The following EPHA6 variants were observed in gnomAD, a reference collection of about 807,000 sequenced individuals.
EPHA6 encodes EPH receptor A6, also known as ephrin type-A receptor 6.
A neutral mutation model predicts 112.0 loss-of-function variants in EPHA6; 50 were observed. That is an observed-to-expected ratio of 0.45 (90% CI 0.36 to 0.56). The LOEUF is 0.56. Ranked by LOEUF, EPHA6 falls within the 20% of genes least tolerant of loss-of-function variation. EPHA6 has a pLI of 0.00. For missense variants in EPHA6, 1,280 were observed against 1,417.4 expected, an observed-to-expected ratio of 0.90 and a Z score of 1.56; for synonymous variants, 529 against 490.7, an observed-to-expected ratio of 1.08 and a Z score of -1.03.
rs936060872 is a variant in EPHA6 at position 97,526,137 on chromosome 3, T to C, written c.2201-6221T>C. ...GCTTTCAGACTGCAGTTTAAAAAGG[T>C]GGGGGCCAATTTATAGGGCCATTTA... On this transcript the variant is annotated intron_variant, in intron 10 of 17. Coordinates refer to ENST00000389672, the MANE Select transcript of EPHA6 (RefSeq NM_001080448.3). Among the ~76,000 whole-genome samples the C allele has an allele frequency of 2.0e-5, 3 of 152,052 alleles. No homozygotes were observed. The South Asian group carries it at 6.2e-4, about 32-fold the overall frequency.
At chr3:97,384,518 G>A (rs1410754997) in intron 5 of EPHA6, among the ~76,000 whole-genome samples, 3 of 152,136 alleles carry the variant, frequency 2.0e-5, no homozygotes, top group South Asian at 4.1e-4. Context: ...ATATTTCAAT[G>A]GAGAGGAAAC....
chr3:96,847,659 T>C (rs1341633096), intron 1 of EPHA6, among the ~76,000 whole-genome samples: 3 of 152,140 alleles, frequency 2.0e-5, no homozygotes, highest in Non-Finnish European at 2.9e-5. Context: ...AAGAGAATTA[T>C]ACAAGAAGTT....
chr3:97,615,378 C>T (rs973633280), intron 13 of EPHA6, among the ~76,000 whole-genome samples: 6 of 152,070 alleles, frequency 3.9e-5, no homozygotes, highest in African/African-American at 9.7e-5. Flanking sequence ...CTGGGGTCCC[C>T]GGCAAATGTG....
At chr3:97,481,617 G>T (rs2034939) in intron 9 of EPHA6, 1 of 473,274 alleles carries the variant, frequency 2.1e-6, no homozygotes. Flanking sequence ...CAGCTGTTGC[G>T]CCCTCCCTAG....
At position 97,041,206 on chromosome 3, in the gene EPHA6, C is replaced by T. The variant is rs145158392; in HGVS notation, c.1114+53213C>T. On this transcript the variant is annotated intron_variant, in intron 3 of 17. Transcript: ENST00000389672. ...TTTTCTCAGTCTTCCTGTGCATTCT[C>T]ACAGCATTACAGATACACCTTTTTT... is the stretch of plus-strand genomic sequence containing the variant. Among the ~76,000 whole-genome samples the T allele has an allele frequency of 6.5e-3, 996 of 152,200 alleles. 14 individuals carry two copies. Among genetic ancestry groups the T allele is most frequent in the African/African-American group, 0.022 (921 of 41,546 alleles).
intron 17 of EPHA6, 50 bp from the exon 18 acceptor site, chr3:97,748,534 TCTC>T (rs2107909694): frequency 2.4e-6 from 2 of 840,462 alleles, no homozygotes; most frequent in Admixed American, 3.8e-5. Context: ...TCTCTCTCTC[TCTC>T]TTTCTTGCTC....
At chr3:97,087,307 G>A (rs1365927387) in intron 3 of EPHA6, among the ~76,000 whole-genome samples, 1 of 152,112 alleles carries the variant, frequency 6.6e-6, no homozygotes, top group African/African-American at 2.4e-5. Context: ...GGGGGTGTGT[G>A]TCTCAAGACT....
At chr3:97,483,811 G>C in intron 9 of EPHA6, 123 bp from the exon 10 acceptor site, 1 of 1,029,722 alleles carries the variant, frequency 9.7e-7, no homozygotes. Context: ...GAAGAAAAGA[G>C]AGACTTTAAA....
chr3:97,506,322 C>T (rs1053548254), intron 10 of EPHA6, among the ~76,000 whole-genome samples: 5 of 152,148 alleles, frequency 3.3e-5, no homozygotes, highest in African/African-American at 9.7e-5. Context: ...TTAGGTCTTA[C>T]ATTTAAGTCT....
chr3:97,644,071 A>G (rs1413795272), intron 14 of EPHA6, among the ~76,000 whole-genome samples: 2 of 151,524 alleles, frequency 1.3e-5, no homozygotes, highest in African/African-American at 2.4e-5. Flanking sequence ...AAAAGAACAG[A>G]GATTATAACA....
At chr3:97,599,956 G>T (rs1313522161) in intron 12 of EPHA6, among the ~76,000 whole-genome samples, 1 of 152,040 alleles carries the variant, frequency 6.6e-6, no homozygotes, top group Non-Finnish European at 1.5e-5. Context: ...GCAGTGGTTT[G>T]TAGTTCTCCT....
intron 5 of EPHA6, among the ~76,000 whole-genome samples, chr3:97,257,970 GT>G (rs1392384182): frequency 6.6e-6 from 1 of 151,942 alleles, no homozygotes; most frequent in African/African-American, 2.4e-5. Context: ...TGTTACCAAT[GT>G]TTTTCTCTGT....
intron 3 of EPHA6, among the ~76,000 whole-genome samples, chr3:97,115,415 G>T (rs577827826): frequency 6.6e-6 from 1 of 151,960 alleles, no homozygotes; most frequent in Admixed American, 6.6e-5. Flanking sequence ...GGAGTGAATG[G>T]TGATAGTGTA....
rs749431467 is a variant in EPHA6 at position 96,987,866 on chromosome 3, T to G, written c.987T>G (p.Ser329=). The G allele has an allele frequency of 2.5e-6, 4 of 1,613,868 alleles. No homozygotes were observed. The East Asian group carries it at 8.9e-5, about 36-fold the overall frequency. Residue 329 remains serine, a synonymous_variant, in exon 3 of 18, where the codon TCT becomes TCG. Coordinates refer to ENST00000389672, the MANE Select transcript of EPHA6 (RefSeq NM_001080448.3). ...DSSSLVEVRG[S]CVKSAEERDT... ...CCTCTTTGGTTGAAGTACGGGGTTCTTGTGTGAAGAGTGCTGAAGAGCGTG... is the reference window on the plus strand; with the variant it reads ...CCTCTTTGGTTGAAGTACGGGGTTCGTGTGTGAAGAGTGCTGAAGAGCGTG...
intron 5 of EPHA6, among the ~76,000 whole-genome samples, chr3:97,283,311 C>G (rs532372694): frequency 6.6e-6 from 1 of 151,988 alleles, no homozygotes; most frequent in Admixed American, 6.6e-5. Flanking sequence ...AAATTATTAT[C>G]TTGCATGCAG....
chr3:97,305,204 T>C (rs909242960), intron 5 of EPHA6, among the ~76,000 whole-genome samples: 3 of 152,008 alleles, frequency 2.0e-5, no homozygotes, highest in African/African-American at 7.2e-5. Flanking sequence ...CCAGTCAGCA[T>C]GGTGATTATT....
intron 1 of EPHA6, among the ~76,000 whole-genome samples, chr3:96,837,904 A>G (rs2034512566): frequency 6.6e-6 from 1 of 152,040 alleles, no homozygotes; most frequent in African/African-American, 2.4e-5. Context: ...AAGGGTAAAT[A>G]TGCAGGATGT....
chr3:97,415,064 A>G (rs546618609), intron 6 of EPHA6, among the ~76,000 whole-genome samples: 1 of 152,032 alleles, frequency 6.6e-6, no homozygotes, highest in Non-Finnish European at 1.5e-5. Flanking sequence ...AAGGTAACTC[A>G]GAGTCCTCTT....
intron 1 of EPHA6, among the ~76,000 whole-genome samples, chr3:96,823,929 T>G (rs2033466023): frequency 6.6e-6 from 1 of 151,772 alleles, no homozygotes; most frequent in Non-Finnish European, 1.5e-5. Flanking sequence ...GTTAGAAAAT[T>G]AGTGGAAATT....
Sources: gnomAD v4.1 joint callset for allele counts (sites outside exome capture counted in the v4.1 genomes callset) on GRCh38, gnomAD v4.1.1 for gene constraint, MANE v1.5 for transcripts, NCBI Gene and HGNC (gene_info 2026-07-23, HGNC 2026-07-21) for gene names.